Variants in TYW3 observed in about 807,000 individuals in gnomAD.
The protein encoded by TYW3 is tRNA-yW synthesizing protein 3 homolog.
TYW3 carries 26 observed loss-of-function variants against 23.1 expected under a neutral mutation model. The ratio of observed to expected loss-of-function variants is 1.13; its 90% CI spans 0.83 to 1.56. The LOEUF is 1.56. Among genes scored for constraint, TYW3 ranks in the 40% most tolerant of loss-of-function variants. TYW3 has a pLI of 0.00. For synonymous variants in TYW3, 102 were observed against 105.7 expected (o/e 0.97, Z 0.21); for missense variants, 316 against 311.9 (o/e 1.01, Z -0.10).
At chr1:74,761,074 T>G (rs897085465) in intron 5 of TYW3, among the ~76,000 whole-genome samples, 12 of 152,186 alleles carry the variant, frequency 7.9e-5, no homozygotes, top group Admixed American at 5.2e-4. Flanking sequence ...TTTTTTTTTT[T>G]TTTCCTTAAA....
chr1:74,752,650 G>A (rs1648825304), intron 5 of TYW3, among the ~76,000 whole-genome samples: 1 of 152,140 alleles, frequency 6.6e-6, no homozygotes, highest in African/African-American at 2.4e-5. Context: ...GGCTCTCTGG[G>A]GGATGGTAGG....
At chr1:74,757,479 C>T (rs934081100) in intron 5 of TYW3, among the ~76,000 whole-genome samples, 2 of 152,232 alleles carry the variant, frequency 1.3e-5, no homozygotes, top group Admixed American at 6.5e-5. Context: ...GGATTTTAGA[C>T]TTCCATGGGG....
In TYW3 at chr1:74,756,484, T is replaced by C. The variant is rs554404583; in HGVS notation, c.560+4059T>C. On this transcript the variant is annotated intron_variant, in intron 5 of 5. Coordinates refer to ENST00000370867, the MANE Select transcript of TYW3 (RefSeq NM_138467.3). ...TTTTAGCAAAGAGACTGGCAGCATT[T>C]TACCCCTGCCCTCGAGACTTGTGGA... Among the ~76,000 whole-genome samples, 5 of 152,260 alleles carry C rather than the reference T, an allele frequency of 3.3e-5. No homozygotes were observed. In the South Asian group the frequency reaches 8.3e-4, roughly 25 times the overall value.
At chr1:74,740,236 C>T (rs1648304736) in intron 3 of TYW3, among the ~76,000 whole-genome samples, 2 of 152,148 alleles carry the variant, frequency 1.3e-5, no homozygotes, top group Non-Finnish European at 2.9e-5. Context: ...TGCAGACCTT[C>T]GCAGTGAGTG....
chr1:74,736,020 T>G (rs1291602054), intron 1 of TYW3, among the ~76,000 whole-genome samples: 1 of 152,198 alleles, frequency 6.6e-6, no homozygotes, highest in Non-Finnish European at 1.5e-5. Context: ...CTTTCAGTCT[T>G]AGCTCCATCC....
intron 3 of TYW3, among the ~76,000 whole-genome samples, chr1:74,739,851 A>G (rs1209889245): frequency 6.6e-6 from 1 of 152,210 alleles, no homozygotes; most frequent in Non-Finnish European, 1.5e-5. Flanking sequence ...AAAGCAGGTG[A>G]GAAAGGAATA....
chr1:74,750,064 CTTT>C (rs1648724374), intron 4 of TYW3: 1 of 152,262 alleles, frequency 6.6e-6, no homozygotes, highest in Admixed American at 6.5e-5. Flanking sequence ...TCACCTTCTT[CTTT>C]GTTTCCATAT....
At chr1:74,755,610 C>T (rs897951879) in intron 5 of TYW3, among the ~76,000 whole-genome samples, 4 of 152,146 alleles carry the variant, frequency 2.6e-5, no homozygotes, top group Non-Finnish European at 5.9e-5. Flanking sequence ...TCCCTTTTAG[C>T]TATTATAAAT....
intron 2 of TYW3, among the ~76,000 whole-genome samples, chr1:74,736,875 C>T (rs940283320): frequency 6.6e-6 from 1 of 152,168 alleles, no homozygotes; most frequent in Non-Finnish European, 1.5e-5. Flanking sequence ...TATTGGACAC[C>T]TATTGGATCC....
At chr1:74,758,673 C>T (rs1409320387) in intron 5 of TYW3, among the ~76,000 whole-genome samples, 2 of 150,538 alleles carry the variant, frequency 1.3e-5, no homozygotes, top group Non-Finnish European at 2.9e-5. Flanking sequence ...TGATTCTTAT[C>T]GTCATTTACC....
At chr1:74,750,800 C>CTTTTTTTT (rs34468239) in intron 4 of TYW3, among the ~76,000 whole-genome samples, 18 of 67,676 alleles carry the variant, frequency 2.7e-4, no homozygotes, top group Non-Finnish European at 3.6e-4. Flanking sequence ...TCCCCCGCTC[C>CTTTTTTTT]TTTTTTTTTT....
At chr1:74,751,151 T>G (rs1051327298) in intron 4 of TYW3, 43 of 152,150 alleles carry the variant, frequency 2.8e-4, no homozygotes, top group African/African-American at 9.7e-4. Context: ...GCACTCATCC[T>G]TTAAAATCCC....
chr1:74,761,345 T>C (rs551599756), intron 5 of TYW3, among the ~76,000 whole-genome samples: 7 of 152,258 alleles, frequency 4.6e-5, no homozygotes, highest in African/African-American at 1.4e-4. Flanking sequence ...TCTTTAATGG[T>C]TGATTAAAGT....
At chr1:74,746,715 C>T (rs547382620) in intron 3 of TYW3, among the ~76,000 whole-genome samples, 2 of 152,274 alleles carry the variant, frequency 1.3e-5, no homozygotes, top group South Asian at 4.1e-4. Flanking sequence ...AAGGGCACTC[C>T]ACTAGAGAGT....
intron 3 of TYW3, 121 bp from the exon 4 acceptor site, chr1:74,748,630 A>G: frequency 2.1e-6 from 2 of 971,668 alleles, no homozygotes; most frequent in East Asian, 5.3e-5. Flanking sequence ...GGCTAGACGA[A>G]AAATTTTTTT....
At position 74,765,858 on chromosome 1, in the gene TYW3, C is replaced by A. The variant is rs1205678027; in HGVS notation, c.*1745C>A. ...AAGAAGAGAGGGGCTGCTTCCTAAT[C>A]TGTTTATATAAGGTATAGTATAGTA... On this transcript the variant is annotated 3_prime_UTR_variant, in exon 6 of 6. Coordinates refer to ENST00000370867, the MANE Select transcript of TYW3 (RefSeq NM_138467.3). The A allele has an allele frequency of 7.2e-5, 11 of 152,148 alleles. No individual in the cohort carries two copies. The highest frequency in any genetic ancestry group is 2.4e-4 in the African/African-American group (10 of 41,520). 9.4% of individuals were successfully genotyped at this position (152,148 alleles called of 1,614,324 possible). A position where few individuals can be genotyped will look rare whatever the true frequency, so the allele number is the denominator to read the frequency against.
At chr1:74,735,249 C>G (rs1360831320) in intron 1 of TYW3, among the ~76,000 whole-genome samples, 1 of 152,026 alleles carries the variant, frequency 6.6e-6, no homozygotes, top group Non-Finnish European at 1.5e-5. Flanking sequence ...TTTTTCATTG[C>G]TTTTCTTCAT....
intron 5 of TYW3, among the ~76,000 whole-genome samples, chr1:74,760,445 C>T (rs1649104035): frequency 6.6e-6 from 1 of 152,180 alleles, no homozygotes; most frequent in Non-Finnish European, 1.5e-5. Flanking sequence ...CCTGGGACAT[C>T]CCCCATGCCC....
At chr1:74,760,025 G>A (rs1649084318) in intron 5 of TYW3, among the ~76,000 whole-genome samples, 1 of 152,156 alleles carries the variant, frequency 6.6e-6, no homozygotes, top group Non-Finnish European at 1.5e-5. Flanking sequence ...ATAAGCAGTT[G>A]ATTAGCACAT....
Sources: allele counts gnomAD v4.1 joint callset (sites outside exome capture counted in the v4.1 genomes callset), GRCh38; gene constraint gnomAD v4.1.1; transcripts MANE v1.5; gene names NCBI Gene and HGNC (gene_info 2026-07-23, HGNC 2026-07-21).